The following LHFPL6 variants were observed in gnomAD, a reference collection of about 807,000 sequenced individuals.
LHFPL6 encodes LHFPL tetraspan subfamily member 6, also known as LHFPL tetraspan subfamily member 6 protein.
In LHFPL6, 9 loss-of-function variants were observed where a neutral mutation model predicts 20.6. The ratio of observed to expected loss-of-function variants is 0.44; its 90% CI spans 0.26 to 0.76. The LOEUF is 0.76. Ranked by LOEUF, LHFPL6 falls within the 30% of genes least tolerant of loss-of-function variation. The probability of loss-of-function intolerance (pLI) is 0.20; values close to 1 mark genes in which losing one functional copy is unlikely to be tolerated. For missense variants in LHFPL6, 218 were observed against 253.5 expected (o/e 0.86, Z 0.95); for synonymous variants, 105 against 98.7 (o/e 1.06, Z -0.38).
chr13:39,470,738 G>A (rs912809217), intron 2 of LHFPL6, among the ~76,000 whole-genome samples: 110 of 152,016 alleles, frequency 7.2e-4, no homozygotes, highest in African/African-American at 2.5e-3. Flanking sequence ...TTCTGAATTT[G>A]GAAGTTAACT....
At chr13:39,435,680 T>C (rs1177303141) in intron 2 of LHFPL6, among the ~76,000 whole-genome samples, 1 of 152,194 alleles carries the variant, frequency 6.6e-6, no homozygotes, top group Non-Finnish European at 1.5e-5. Context: ...GAAGAACTCA[T>C]GGATTCCACA....
intron 2 of LHFPL6, among the ~76,000 whole-genome samples, chr13:39,442,676 G>A (rs543880567): frequency 2.6e-5 from 4 of 152,312 alleles, no homozygotes; most frequent in South Asian, 2.1e-4. Flanking sequence ...AATCTCAGAG[G>A]TTCTGTGGGC....
intron 2 of LHFPL6, among the ~76,000 whole-genome samples, chr13:39,426,098 C>T (rs2138400162): frequency 6.6e-6 from 1 of 152,296 alleles, no homozygotes; most frequent in Admixed American, 6.5e-5. Flanking sequence ...ACCATTACCA[C>T]TATTTCCAAA....
intron 2 of LHFPL6, among the ~76,000 whole-genome samples, chr13:39,447,781 T>C (rs1872331667): frequency 1.3e-5 from 2 of 152,142 alleles, no homozygotes; most frequent in Admixed American, 6.5e-5. Flanking sequence ...CCTAGTATAG[T>C]ATTTGGGCCA....
At chr13:39,399,985 C>T (rs1870945002) in intron 2 of LHFPL6, among the ~76,000 whole-genome samples, 1 of 152,118 alleles carries the variant, frequency 6.6e-6, no homozygotes. Context: ...CCCAGCTACT[C>T]AGGAGGCTGA....
intron 2 of LHFPL6, among the ~76,000 whole-genome samples, chr13:39,536,188 T>C (rs1173951664): frequency 6.6e-6 from 1 of 152,146 alleles, no homozygotes; most frequent in Non-Finnish European, 1.5e-5. Context: ...TTTAAAGAAA[T>C]GTACATTGCA....
chr13:39,561,870 A>C (rs1871493876), intron 2 of LHFPL6, among the ~76,000 whole-genome samples: 1 of 152,214 alleles, frequency 6.6e-6, no homozygotes, highest in Admixed American at 6.5e-5. Flanking sequence ...TGATTCTCAC[A>C]ACAATCCTCT....
At chr13:39,396,208 G>T (rs980818674) in intron 2 of LHFPL6, among the ~76,000 whole-genome samples, 1 of 152,084 alleles carries the variant, frequency 6.6e-6, no homozygotes, top group African/African-American at 2.4e-5. Context: ...GCCCTCCACT[G>T]CTGCCCCCAC....
In LHFPL6 at chr13:39,434,403, G is replaced by C. The variant is rs183798081; in HGVS notation, c.386-55877C>G. 2.0e-5 allele frequency among the ~76,000 whole-genome samples: 3 copies of C among 152,254 alleles called. No homozygotes were observed. In the East Asian group the frequency reaches 5.8e-4, roughly 29 times the overall value. On this transcript the variant is annotated intron_variant, in intron 2 of 3. Transcript: ENST00000379589. ...CAGAATCCATGTTTTCTGCTCTGATGCTGTTTCTCTATCAAGCATTTGCAA... is the reference window on the plus strand; with the variant it reads ...CAGAATCCATGTTTTCTGCTCTGATCCTGTTTCTCTATCAAGCATTTGCAA...
chr13:39,593,832 C>T (rs992815813), intron 2 of LHFPL6, among the ~76,000 whole-genome samples: 12 of 152,274 alleles, frequency 7.9e-5, no homozygotes, highest in Non-Finnish European at 1.5e-4. Context: ...ACTATCTGAT[C>T]TTTGACAAAC....
chr13:39,488,570 G>A (rs1868802512), intron 2 of LHFPL6, among the ~76,000 whole-genome samples: 1 of 152,110 alleles, frequency 6.6e-6, no homozygotes, highest in Admixed American at 6.5e-5. Context: ...AGACTTTTCT[G>A]ATTAGACACA....
chr13:39,490,446 C>A (rs187340786), intron 2 of LHFPL6, among the ~76,000 whole-genome samples: 9 of 152,304 alleles, frequency 5.9e-5, no homozygotes, highest in Admixed American at 5.9e-4. Context: ...CCTGGTTTAG[C>A]CACCGGTAGG....
At position 39,589,490 on chromosome 13, in the gene LHFPL6, T is replaced by A. The variant is rs144159086; in HGVS notation, c.385+11342A>T. Reference sequence around the variant, plus strand: ...ATGACCAGAACTGAGCAATGTTGTATCCAACCCGACGAACCTCTAAAAATG... The same window carrying A: ...ATGACCAGAACTGAGCAATGTTGTAACCAACCCGACGAACCTCTAAAAATG... On this transcript the variant is annotated intron_variant, in intron 2 of 3. Coordinates refer to ENST00000379589, the MANE Select transcript of LHFPL6 (RefSeq NM_005780.3). Among the ~76,000 whole-genome samples the A allele has an allele frequency of 6.2e-3, 938 of 152,288 alleles. 8 individuals carry two copies. The highest frequency in any genetic ancestry group is 0.022 in the African/African-American group (894 of 41,558).
At chr13:39,428,958 A>T (rs989160542) in intron 2 of LHFPL6, among the ~76,000 whole-genome samples, 2 of 152,176 alleles carry the variant, frequency 1.3e-5, no homozygotes, top group African/African-American at 2.4e-5. Flanking sequence ...TTCATTTCCA[A>T]ATAATGCAGT....
At chr13:39,352,524 A>T (rs1329500889) in intron 3 of LHFPL6, among the ~76,000 whole-genome samples, 1 of 152,078 alleles carries the variant, frequency 6.6e-6, no homozygotes, top group African/African-American at 2.4e-5. Flanking sequence ...CCATGTTTAC[A>T]GTTTCTTTTC....
intron 2 of LHFPL6, among the ~76,000 whole-genome samples, chr13:39,506,562 C>G (rs1189766946): frequency 1.3e-5 from 2 of 152,142 alleles, no homozygotes; most frequent in Admixed American, 6.5e-5. Flanking sequence ...TATTTCATTT[C>G]ATTTTTTGCT....
intron 2 of LHFPL6, among the ~76,000 whole-genome samples, chr13:39,443,005 G>T (rs759612263): frequency 1.4e-4 from 22 of 151,896 alleles, no homozygotes; most frequent in Non-Finnish European, 2.9e-4. Context: ...CCCTGCTGTG[G>T]CTTCAATGCA....
At chr13:39,500,006 TC>T (rs1869238244) in intron 2 of LHFPL6, among the ~76,000 whole-genome samples, 1 of 151,848 alleles carries the variant, frequency 6.6e-6, no homozygotes, top group African/African-American at 2.4e-5. Flanking sequence ...ATGAGTTTAT[TC>T]TTTTTTTTTT....
At chr13:39,497,084 T>C (rs968825800) in intron 2 of LHFPL6, among the ~76,000 whole-genome samples, 5 of 152,356 alleles carry the variant, frequency 3.3e-5, no homozygotes, top group Middle Eastern at 3.4e-3. Flanking sequence ...GATTCAATGA[T>C]AGATCACTTT....
Sources: gnomAD v4.1 joint callset for allele counts (sites outside exome capture counted in the v4.1 genomes callset) on GRCh38, gnomAD v4.1.1 for gene constraint, MANE v1.5 for transcripts, NCBI Gene and HGNC (gene_info 2026-07-23, HGNC 2026-07-21) for gene names.